The following CCL28 variants were observed in gnomAD, a reference collection of about 807,000 sequenced individuals.
The protein encoded by CCL28 is C-C motif chemokine 28.
Under a neutral mutation model 7.1 loss-of-function variants are expected in CCL28, and 4 were observed. The observed-to-expected ratio is 0.56, with a 90% CI of 0.28 to 1.29. The LOEUF (loss-of-function observed/expected upper bound fraction) is 1.29, where lower values mean the gene tolerates loss of function less well. CCL28 is among the 50% of genes most tolerant of loss of function. The probability of loss-of-function intolerance (pLI) is 0.11; values close to 1 mark genes in which losing one functional copy is unlikely to be tolerated. For synonymous variants in CCL28, 55 were observed against 57.8 expected, an observed-to-expected ratio of 0.95 and a Z score of 0.22; for missense variants, 151 against 163.4, an observed-to-expected ratio of 0.92 and a Z score of 0.41.
intron 1 of CCL28, among the ~76,000 whole-genome samples, chr5:43,405,848 A>G (rs1741253050): frequency 6.6e-6 from 1 of 152,208 alleles, no homozygotes; most frequent in South Asian, 2.1e-4. Context: ...ACAAACTACC[A>G]TCAGAGAATA....
At chr5:43,412,037 A>C (rs1415212426) in intron 1 of CCL28, among the ~76,000 whole-genome samples, 3 of 152,202 alleles carry the variant, frequency 2.0e-5, no homozygotes, top group Non-Finnish European at 4.4e-5. Flanking sequence ...GGTGGCAAAA[A>C]TTTGTAGTAT....
chr5:43,365,267 T>C, the CCL28 span, among the ~76,000 whole-genome samples: 7 of 152,208 alleles, frequency 4.6e-5, no homozygotes, highest in Non-Finnish European at 8.8e-5. Flanking sequence ...CTTCCCAAAG[T>C]TCTGGGTTTA....
At chr5:43,377,716 A>AATTTTTTT (rs1561151287), downstream of CCL28, among the ~76,000 whole-genome samples, 4 of 45,660 alleles carry the variant, frequency 8.8e-5, no homozygotes, top group Admixed American at 1.8e-4. Flanking sequence ...TAGAACTTAA[A>AATTTTTTT]CTTTTTTTTT....
intron 1 of CCL28, among the ~76,000 whole-genome samples, chr5:43,390,574 C>T (rs546120884): frequency 5.3e-5 from 8 of 152,320 alleles, no homozygotes; most frequent in African/African-American, 1.9e-4. Flanking sequence ...CCCAGCTGGC[C>T]TGAGAAGCAG....
chr5:43,375,763 G>A (rs1054366438), downstream of CCL28, among the ~76,000 whole-genome samples: 17 of 152,034 alleles, frequency 1.1e-4, no homozygotes, highest in Non-Finnish European at 2.2e-4. Context: ...AGGCTGAGGC[G>A]GGCGGACCCC....
intron 1 of CCL28, among the ~76,000 whole-genome samples, chr5:43,394,080 A>G (rs1322797308): frequency 6.6e-6 from 1 of 152,146 alleles, no homozygotes; most frequent in East Asian, 1.9e-4. Context: ...TGTTCTTTCC[A>G]TAACAGAACC....
At chr5:43,386,517 C>T (rs1740342045) in intron 2 of CCL28, among the ~76,000 whole-genome samples, 1 of 152,196 alleles carries the variant, frequency 6.6e-6, no homozygotes. Context: ...CAAAGACACT[C>T]ATGCTTAATA....
At chr5:43,373,411 CT>C (rs1274351491), downstream of CCL28, among the ~76,000 whole-genome samples, 1 of 152,080 alleles carries the variant, frequency 6.6e-6, no homozygotes, top group Non-Finnish European at 1.5e-5. Context: ...AGTGATTCTC[CT>C]GCCTCAGCCT....
chr5:43,375,921 A>G (rs541981681), downstream of CCL28, among the ~76,000 whole-genome samples: 1 of 151,916 alleles, frequency 6.6e-6, no homozygotes, highest in East Asian at 1.9e-4. Context: ...TGTAATGCCA[A>G]CTACTCGGGA....
intron 1 of CCL28, among the ~76,000 whole-genome samples, chr5:43,403,767 G>T (rs879467977): frequency 5.3e-5 from 8 of 151,992 alleles, no homozygotes; most frequent in Non-Finnish European, 1.2e-4. Flanking sequence ...CTTGAAAAAA[G>T]ATTAGATGAA....
chr5:43,410,385 A>G (rs1453184220), intron 1 of CCL28, among the ~76,000 whole-genome samples: 1 of 152,198 alleles, frequency 6.6e-6, no homozygotes. Context: ...TTTTTAAATG[A>G]CAGAAGTTTG....
At chr5:43,373,489 G>A (rs530780187), downstream of CCL28, among the ~76,000 whole-genome samples, 29 of 152,054 alleles carry the variant, frequency 1.9e-4, no homozygotes, top group South Asian at 1.7e-3. Flanking sequence ...TAGTAGAGAC[G>A]GGGTTTCTCC....
intron 1 of CCL28, among the ~76,000 whole-genome samples, chr5:43,399,817 C>T (rs546215579): frequency 6.6e-6 from 1 of 151,258 alleles, no homozygotes; most frequent in Non-Finnish European, 1.5e-5. Flanking sequence ...CAAAAGCATT[C>T]CTATTTGTCT....
intron 1 of CCL28, among the ~76,000 whole-genome samples, chr5:43,389,344 G>C (rs994842626): frequency 1.3e-5 from 2 of 152,156 alleles, no homozygotes; most frequent in Non-Finnish European, 2.9e-5. Context: ...TCCTAAAACT[G>C]TTTCTTTCTT....
chr5:43,365,480 G>A, the CCL28 span, among the ~76,000 whole-genome samples: 1 of 152,092 alleles, frequency 6.6e-6, no homozygotes, highest in Non-Finnish European at 1.5e-5. Flanking sequence ...TTTATAATTT[G>A]GTATGTTTTT....
chr5:43,362,326 G>T, the CCL28 span, among the ~76,000 whole-genome samples: 2 of 152,066 alleles, frequency 1.3e-5, no homozygotes, highest in African/African-American at 2.4e-5. Flanking sequence ...AGTGATTTTT[G>T]TATGTTGGTT....
At chr5:43,402,772 C>T (rs900236441) in intron 1 of CCL28, among the ~76,000 whole-genome samples, 10 of 152,162 alleles carry the variant, frequency 6.6e-5, no homozygotes, top group African/African-American at 2.2e-4. Flanking sequence ...CAAGGGAAGC[C>T]GTGACAGACA....
At chr5:43,369,577 A>T in the CCL28 span, among the ~76,000 whole-genome samples, 1 of 151,990 alleles carries the variant, frequency 6.6e-6, no homozygotes, top group African/African-American at 2.4e-5. Context: ...GGTGTGTGCC[A>T]CCACACCCTG....
At chr5:43,365,964 T>C in the CCL28 span, among the ~76,000 whole-genome samples, 3 of 152,244 alleles carry the variant, frequency 2.0e-5, no homozygotes, top group Non-Finnish European at 4.4e-5. Flanking sequence ...TGGCTATTGA[T>C]ACTTGTGTAT....
Sources: gnomAD v4.1 joint callset for allele counts (sites outside exome capture counted in the v4.1 genomes callset) on GRCh38, gnomAD v4.1.1 for gene constraint, MANE v1.5 for transcripts, NCBI Gene and HGNC (gene_info 2026-07-23, HGNC 2026-07-21) for gene names.